The following ABCC2 variants were observed in gnomAD, a reference collection of about 807,000 sequenced individuals.
ABCC2 encodes ATP binding cassette subfamily C member 2.
A neutral mutation model predicts 173.4 loss-of-function variants in ABCC2; 157 were observed. That is an observed-to-expected ratio of 0.91 (90% CI 0.80 to 1.03). The LOEUF is 1.03. Among genes scored for constraint, ABCC2 ranks in the 50% least tolerant of loss-of-function variants. The pLI is 0.00. For missense variants in ABCC2, 1,822 were observed against 1,852.3 expected, an observed-to-expected ratio of 0.98 and a Z score of 0.30; for synonymous variants, 657 against 693.5, an observed-to-expected ratio of 0.95 and a Z score of 0.83.
At chr10:99,800,280 T>C (rs1484916985) in intron 8 of ABCC2, 106 bp from the exon 9 acceptor site, 7 of 1,214,320 alleles carry the variant, frequency 5.8e-6, no homozygotes, top group Non-Finnish European at 8.5e-6. Flanking sequence ...CTGGTCACTT[T>C]TGTTACCTAC....
rs113651892 is a variant in ABCC2 at position 99,845,966 on chromosome 10, TG to T, written c.4146+185del. Among the ~76,000 whole-genome samples, 371 of 152,306 alleles carry T rather than the reference TG, an allele frequency of 2.4e-3. 2 individuals are homozygous for T. The highest frequency in any genetic ancestry group is 8.0e-3 in the African/African-American group (334 of 41,564). On this transcript the variant is annotated intron_variant, in intron 29 of 31. Coordinates refer to ENST00000647814, the MANE Select transcript of ABCC2 (RefSeq NM_000392.5). ...CAGAACTTTGAAATGTTTGGTAATA[TG>T]CATTTGTGGCTGCCTGTATCTGACC...
chr10:99,847,898 A>C (rs535921615), intron 30 of ABCC2, among the ~76,000 whole-genome samples: 4 of 152,248 alleles, frequency 2.6e-5, no homozygotes, highest in African/African-American at 9.6e-5. Flanking sequence ...AGCCTGGGAG[A>C]CAGAGCAAGA....
chr10:99,824,986 G>T (rs1197974856), intron 19 of ABCC2, among the ~76,000 whole-genome samples: 2 of 106,420 alleles, frequency 1.9e-5, no homozygotes, highest in African/African-American at 3.9e-5. Context: ...AATGGTATGG[G>T]TTTAGGAGGC....
At chr10:99,810,409 T>G (rs1257931745) in intron 14 of ABCC2, among the ~76,000 whole-genome samples, 191 bp downstream of exon 14, 1 of 152,214 alleles carries the variant, frequency 6.6e-6, no homozygotes, top group African/African-American at 2.4e-5. Context: ...TCAACTAGAT[T>G]GCTAAGTAAA....
At chr10:99,794,757 C>G (rs942370267) in intron 6 of ABCC2, 1 of 361,392 alleles carries the variant, frequency 2.8e-6, no homozygotes, top group African/African-American at 2.1e-5. Flanking sequence ...GTTGGCCAAG[C>G]TGGTCTTGAA....
chr10:99,783,672 A>G (rs2037655231), intron 1 of ABCC2, among the ~76,000 whole-genome samples: 4 of 152,160 alleles, frequency 2.6e-5, no homozygotes, highest in Admixed American at 2.0e-4. Flanking sequence ...ATAACCTTAT[A>G]TAGAGGTGAG....
chr10:99,807,658 C>T (rs1236783759), intron 12 of ABCC2, 137 bp downstream of exon 12: 5 of 1,227,994 alleles, frequency 4.1e-6, no homozygotes, highest in South Asian at 1.2e-5. Flanking sequence ...TCCCTCTCAC[C>T]GCCCCATGCC....
Position 99,800,311 on chromosome 10 carries a change from T to C in ABCC2, c.1032-75T>C, listed in dbSNP as rs967955322. On this transcript the variant is annotated intron_variant, in intron 8 of 31. Transcript: ENST00000647814. Reference sequence around the variant, plus strand: ...CCTACAGTGTAAAGATAGTGTAGTCTAGCTGGCTGTGCATGAGGAGAGAGG... The same window carrying C: ...CCTACAGTGTAAAGATAGTGTAGTCCAGCTGGCTGTGCATGAGGAGAGAGG... The C allele has an allele frequency of 4.0e-6, 6 of 1,486,418 alleles. No individual in the cohort carries two copies. In the African/African-American group the frequency reaches 8.3e-5, roughly 21 times the overall value. The allele number at this position is 1,486,418 out of a possible 1,614,324, so 92.1% of individuals were successfully genotyped here.
chr10:99,828,202 T>C (rs1474893151), intron 19 of ABCC2, among the ~76,000 whole-genome samples: 1 of 151,838 alleles, frequency 6.6e-6, no homozygotes, highest in African/African-American at 2.4e-5. Context: ...CTGTCTTTAA[T>C]GTACAAAGAA....
chr10:99,802,498 T>C (rs2038029852), intron 9 of ABCC2, among the ~76,000 whole-genome samples: 1 of 19,160 alleles, frequency 5.2e-5, no homozygotes, highest in Non-Finnish European at 1.1e-4. Context: ...TGTTAGTTGT[T>C]GTTTTTTTTT....
chr10:99,783,486 A>G (rs2037651092), intron 1 of ABCC2, among the ~76,000 whole-genome samples: 1 of 152,238 alleles, frequency 6.6e-6, no homozygotes, highest in East Asian at 1.9e-4. Context: ...GGGCCAATCA[A>G]CAGTATCAAA....
At position 99,800,404 on chromosome 10, in the gene ABCC2, A is replaced by G. The variant is rs1224424965; in HGVS notation, c.1050A>G (p.Ala350=). ...CTGGCAGATTGCTGATCTCCTTTGC[A>G]AGTGACCGTGACACATATTTGTGGA... is the stretch of plus-strand genomic sequence containing the variant. ...PQLLKLLISF[A]SDRDTYLWIG... Residue 350 remains alanine, a synonymous_variant, in exon 9 of 32, where the codon GCA becomes GCG. Coordinates refer to ENST00000647814, the MANE Select transcript of ABCC2 (RefSeq NM_000392.5). 7 of 1,614,060 alleles carry G rather than the reference A, an allele frequency of 4.3e-6. No homozygotes were observed. The highest frequency in any genetic ancestry group is 5.1e-6 in the Non-Finnish European group (6 of 1,180,034).
chr10:99,793,681 T>C lies in ABCC2; in HGVS notation c.464T>C (p.Leu155Ser). The C allele has an allele frequency of 6.2e-7, 1 of 1,614,062 alleles. No homozygotes were observed. ...TTTCAGACTCTGATCCGGACACTCT[T>C]ACAGGTAAGGAAAAAAAGAGTGGAT... ...FQFQTLIRTL[L>S]QGDNSNLAYS... Residue 155 changes from leucine to serine, a missense_variant, in exon 4 of 32, where the codon TTA becomes TCA. Physicochemically the swap from Leu to Ser is moderately radical, Grantham distance 145 (BLOSUM62 -2). Coordinates refer to ENST00000647814, the MANE Select transcript of ABCC2 (RefSeq NM_000392.5).
At chr10:99,835,522 A>G (rs988019609) in intron 24 of ABCC2, among the ~76,000 whole-genome samples, 4 of 151,964 alleles carry the variant, frequency 2.6e-5, no homozygotes, top group African/African-American at 9.7e-5. Flanking sequence ...ATTGGATTCT[A>G]CCCTGTTCCA....
At position 99,811,541 on chromosome 10, in the gene ABCC2, G is replaced by C. The variant is rs1384191165; in HGVS notation, c.1906G>C (p.Ala636Pro). 1 of 1,614,118 alleles carries C rather than the reference G, an allele frequency of 6.2e-7. No homozygotes were observed. Among genetic ancestry groups the C allele is most frequent in the Admixed American group, 1.7e-5 (1 of 60,020 alleles). ...AIRHDCNFDK[A>P]MQFSEASFTW... Reference sequence around the variant, plus strand: ...AGAGGGCTTTTTCTCAACAGACAAAGCCATGCAGTTTTCTGAGGCCTCCTT... The same window carrying C: ...AGAGGGCTTTTTCTCAACAGACAAACCCATGCAGTTTTCTGAGGCCTCCTT... The change falls in exon 15 of 32, where the codon GCC (alanine) becomes CCC (proline). Residue 636 changes from alanine (A) to proline (P), a missense_variant. Ala to Pro is a conservative substitution (Grantham distance 27). Coordinates refer to ENST00000647814, the MANE Select transcript of ABCC2 (RefSeq NM_000392.5).
rs926078897 is a variant in ABCC2, at chr10:99,851,701, A to T, written c.*70A>T. The T allele has an allele frequency of 1.4e-6, 2 of 1,390,234 alleles. No homozygotes were observed. Among genetic ancestry groups the T allele is most frequent in the Non-Finnish European group, 2.0e-6 (2 of 1,010,608 alleles). 86.1% of individuals were successfully genotyped at this position (1,390,234 alleles called of 1,614,324 possible). On this transcript the variant is annotated 3_prime_UTR_variant, in exon 32 of 32. Coordinates refer to ENST00000647814, the MANE Select transcript of ABCC2 (RefSeq NM_000392.5). ...TATTTAATTTTATTTTTTATAAAATACAGAATACATACAAAAGTGTGTATA... is the reference window on the plus strand; with the variant it reads ...TATTTAATTTTATTTTTTATAAAATTCAGAATACATACAAAAGTGTGTATA...
At chr10:99,835,229 G>T (rs967480733) in intron 24 of ABCC2, among the ~76,000 whole-genome samples, 1 of 152,190 alleles carries the variant, frequency 6.6e-6, no homozygotes. Context: ...ACTGATCAGG[G>T]GCTCGTGGCC....
chr10:99,800,845 T>C (rs1416953579), intron 9 of ABCC2, among the ~76,000 whole-genome samples: 1 of 152,212 alleles, frequency 6.6e-6, no homozygotes, highest in Admixed American at 6.5e-5. Context: ...AAGGCTTGGC[T>C]ACCCATCCAT....
At chr10:99,846,543 G>A (rs1454031013) in intron 29 of ABCC2, among the ~76,000 whole-genome samples, 3 of 152,162 alleles carry the variant, frequency 2.0e-5, no homozygotes, top group Non-Finnish European at 4.4e-5. Context: ...TTCAAGATCA[G>A]CCTAGGCAAC....
Sources: allele counts gnomAD v4.1 joint callset (sites outside exome capture counted in the v4.1 genomes callset), GRCh38; gene constraint gnomAD v4.1.1; transcripts MANE v1.5; gene names NCBI Gene and HGNC (gene_info 2026-07-23, HGNC 2026-07-21).